Variants in WNT9B observed in about 807,000 individuals in gnomAD.
The protein encoded by WNT9B is protein Wnt-9b.
Under a neutral mutation model 30.2 loss-of-function variants are expected in WNT9B, and 12 were observed. The observed-to-expected ratio is 0.40, with a 90% CI of 0.26 to 0.64. The LOEUF is 0.64. Ranked by LOEUF, WNT9B falls within the 30% of genes least tolerant of loss-of-function variation. The probability of loss-of-function intolerance (pLI) is 0.42; values close to 1 mark genes in which losing one functional copy is unlikely to be tolerated. For missense variants in WNT9B, 442 were observed against 485.2 expected (o/e 0.91, Z 0.84); for synonymous variants, 218 against 216.9 (o/e 1.01, Z -0.05).
chr17:46,870,415 G>A (rs2085219787), intron 1 of WNT9B, among the ~76,000 whole-genome samples: 1 of 152,196 alleles, frequency 6.6e-6, no homozygotes, highest in Non-Finnish European at 1.5e-5. Flanking sequence ...GCAGGGAGGG[G>A]TTTGGGTGTA....
In WNT9B at chr17:46,851,728, C is replaced by G. The variant is rs2084849347; in HGVS notation, c.77+13C>G. ...CCTCCTACTTCGGGTCAGTGCCCGC[C>G]GCGCCCCCCGCCCGCTCCCCGGCCT... On this transcript the variant is annotated intron_variant, in intron 1 of 3. Transcript: ENST00000290015. The surrounding 1 kb of genome is among the most constrained non-coding windows in gnomAD (Gnocchi z 4.3). The G allele has an allele frequency of 1.6e-6, 2 of 1,263,474 alleles. No individual in the cohort carries two copies. The highest frequency in any genetic ancestry group is 3.1e-5 in the African/African-American group (2 of 63,992). The allele number at this position is 1,263,474 out of a possible 1,614,324, so 78.3% of individuals were successfully genotyped here. A position where few individuals can be genotyped will look rare whatever the true frequency, so the allele number is the denominator to read the frequency against.
intron 1 of WNT9B, among the ~76,000 whole-genome samples, chr17:46,840,823 T>A (rs1244597352): frequency 6.6e-6 from 1 of 152,252 alleles, no homozygotes. Context: ...TCTGTTCATA[T>A]CCTTTGCCCA....
downstream of WNT9B, among the ~76,000 whole-genome samples, chr17:46,883,390 G>A (rs150938112): frequency 8.5e-3 from 1,261 of 149,224 alleles, 18 homozygotes; most frequent in African/African-American, 0.029. Context: ...GTTCAAGTGA[G>A]TCTCCTGCCT....
intron 1 of WNT9B, among the ~76,000 whole-genome samples, chr17:46,840,008 T>TTTCTTTTTTCTTTC (rs2084690808): frequency 8.8e-5 from 5 of 56,626 alleles, no homozygotes; most frequent in Middle Eastern, 5.7e-3. Context: ...TTCTTCTTTC[T>TTTCTTTTTTCTTTC]TTCTTTCTTT....
In WNT9B at chr17:46,840,037, T is replaced by C. The variant is rs1276601187; in HGVS notation, c.95+6597T>C. ...TTTCTTTCTTTCTTTCTTTCTTTTCTTTCTTTCTTTCTCTCTCTCTCTTTC... is the reference window on the plus strand; with the variant it reads ...TTTCTTTCTTTCTTTCTTTCTTTTCCTTCTTTCTTTCTCTCTCTCTCTTTC... On this transcript the variant is annotated intron_variant, in intron 1 of 2. Transcript: ENST00000575372. 2.1e-5 allele frequency among the ~76,000 whole-genome samples: 3 copies of C among 144,032 alleles called. No individual in the cohort carries two copies. In the South Asian group the frequency reaches 7.1e-4, roughly 34 times the overall value. The allele number at this position is 144,032 out of a possible 152,430, so 94.5% of individuals were successfully genotyped here.
At chr17:46,859,768 T>C (rs2085002761) in intron 1 of WNT9B, among the ~76,000 whole-genome samples, 1 of 152,224 alleles carries the variant, frequency 6.6e-6, no homozygotes, top group Non-Finnish European at 1.5e-5. Context: ...ATTGAATCTA[T>C]ACATCAGTTC....
intron 1 of WNT9B, among the ~76,000 whole-genome samples, chr17:46,865,869 C>G (rs960313388): frequency 6.6e-6 from 1 of 152,136 alleles, no homozygotes; most frequent in African/African-American, 2.4e-5. Context: ...GCCTTGACTT[C>G]CCAAAGTGCT....
At chr17:46,865,996 G>T (rs376009131) in intron 1 of WNT9B, among the ~76,000 whole-genome samples, 2 of 152,184 alleles carry the variant, frequency 1.3e-5, no homozygotes, top group Middle Eastern at 3.2e-3. Context: ...GTGAAAAGAG[G>T]GGGTGGAGAG....
At chr17:46,870,205 A>G (rs1359335250) in intron 1 of WNT9B, among the ~76,000 whole-genome samples, 1 of 152,138 alleles carries the variant, frequency 6.6e-6, no homozygotes, top group East Asian at 1.9e-4. Context: ...TCTGAAACAC[A>G]GGAATTGTGT....
chr17:46,867,735 G>A lies in WNT9B; in HGVS notation c.78-4782G>A, dbSNP rs191529144. 2.2e-3 allele frequency among the ~76,000 whole-genome samples: 333 copies of A among 152,326 alleles called. 1 individual carries two copies. Among genetic ancestry groups the A allele is most frequent in the Middle Eastern group, 6.8e-3 (2 of 294 alleles). On this transcript the variant is annotated intron_variant, in intron 1 of 3. Coordinates refer to ENST00000290015, the MANE Select transcript of WNT9B (RefSeq NM_003396.3). Reference sequence around the variant, plus strand: ...GGAGAGTGTGAAAGGAGGTGGGGAAGGAGGTTCCAGGAGGATCAGAAGAGA... The same window carrying A: ...GGAGAGTGTGAAAGGAGGTGGGGAAAGAGGTTCCAGGAGGATCAGAAGAGA...
intron 1 of WNT9B, among the ~76,000 whole-genome samples, chr17:46,838,969 C>T (rs1056519552): frequency 3.3e-5 from 5 of 152,064 alleles, no homozygotes; most frequent in African/African-American, 1.2e-4. Context: ...CCTCTTCCTC[C>T]CGGGTTCAAG....
At chr17:46,856,813 G>A (rs540746040) in intron 1 of WNT9B, among the ~76,000 whole-genome samples, 6 of 152,210 alleles carry the variant, frequency 3.9e-5, no homozygotes, top group African/African-American at 1.4e-4. Flanking sequence ...GCACAGTTTG[G>A]GTTTTAACAA....
chr17:46,873,839 A>G (rs1470557378), intron 2 of WNT9B, among the ~76,000 whole-genome samples: 1 of 151,918 alleles, frequency 6.6e-6, no homozygotes, highest in Non-Finnish European at 1.5e-5. Context: ...AAAATACAAA[A>G]ATTAGCTGGC....
downstream of WNT9B, among the ~76,000 whole-genome samples, chr17:46,882,450 A>T (rs2085435782): frequency 6.6e-6 from 1 of 152,154 alleles, no homozygotes; most frequent in Non-Finnish European, 1.5e-5. Flanking sequence ...TGCTGTAAGG[A>T]GCCACAGGAT....
At chr17:46,849,845 A>ACCTC (rs2084818838), upstream of WNT9B, among the ~76,000 whole-genome samples, 1 of 131,902 alleles carries the variant, frequency 7.6e-6, no homozygotes, top group Non-Finnish European at 1.6e-5. Flanking sequence ...TAGGCATTTA[A>ACCTC]TATCTTTTTT....
rs1393296916 is a variant in WNT9B at position 46,879,700 on chromosome 17, G to C, written c.*2982G>C. On this transcript the variant is annotated 3_prime_UTR_variant, in exon 4 of 4. Coordinates refer to ENST00000290015, the MANE Select transcript of WNT9B (RefSeq NM_003396.3). ...TTTACTGAACATCTCCATAGACCAG[G>C]CACTACGGGCTGACCTGCTCTGAGC... is the stretch of plus-strand genomic sequence containing the variant. Among the ~76,000 whole-genome samples the C allele has an allele frequency of 6.6e-6, 1 of 152,200 alleles. No homozygotes were observed. Among genetic ancestry groups the C allele is most frequent in the Non-Finnish European group, 1.5e-5 (1 of 68,032 alleles).
At chr17:46,883,001 CAG>C (rs2085443006), downstream of WNT9B, among the ~76,000 whole-genome samples, 1 of 151,330 alleles carries the variant, frequency 6.6e-6, no homozygotes, top group South Asian at 2.1e-4. Context: ...TTTTTTGAGA[CAG>C]AGTCTCCCTC....
At chr17:46,873,624 C>A (rs1026517334) in intron 2 of WNT9B, among the ~76,000 whole-genome samples, 1 of 152,050 alleles carries the variant, frequency 6.6e-6, no homozygotes, top group Non-Finnish European at 1.5e-5. Context: ...TTTGGGAGGC[C>A]GAAGCGGGTG....
upstream of WNT9B, among the ~76,000 whole-genome samples, chr17:46,847,985 T>C (rs2084796070): frequency 6.6e-6 from 1 of 151,852 alleles, no homozygotes; most frequent in African/African-American, 2.4e-5. Flanking sequence ...TGTGTGTGTG[T>C]GTGTGTGTGT....
Sources: gnomAD v4.1 joint callset for allele counts (sites outside exome capture counted in the v4.1 genomes callset) on GRCh38, gnomAD v4.1.1 for gene constraint, Gnocchi (gnomAD v3.1) non-coding constraint, MANE v1.5 for transcripts, NCBI Gene and HGNC (gene_info 2026-07-23, HGNC 2026-07-21) for gene names.